The following ENOX1 variants were observed in gnomAD, a reference collection of about 807,000 sequenced individuals.
ENOX1 encodes ecto-NOX disulfide-thiol exchanger 1.
In ENOX1, 42 loss-of-function variants were observed where a neutral mutation model predicts 82.5. The ratio of observed to expected loss-of-function variants is 0.51; its 90% confidence interval spans 0.40 to 0.66. ENOX1 has a LOEUF of 0.66. ENOX1 is among the 30% of genes least tolerant of loss of function. ENOX1 has a pLI of 0.00. For missense variants in ENOX1, 608 were observed against 811.6 expected (o/e 0.75, Z 3.05); for synonymous variants, 271 against 282.2 (o/e 0.96, Z 0.40).
chr13:43,741,055 G>T (rs2089884719), intron 1 of ENOX1, among the ~76,000 whole-genome samples: 1 of 150,620 alleles, frequency 6.6e-6, no homozygotes, highest in Non-Finnish European at 1.5e-5. Flanking sequence ...TTGAAAAAGT[G>T]CCAAACTGTT....
intron 2 of ENOX1, among the ~76,000 whole-genome samples, chr13:43,538,980 T>C (rs753602416): frequency 6.6e-6 from 1 of 152,056 alleles, no homozygotes; most frequent in African/African-American, 2.4e-5. Context: ...TATGTCATCA[T>C]GCCCAGCTAA....
At chr13:43,226,126 T>A (rs138563077) in intron 15 of ENOX1, among the ~76,000 whole-genome samples, 1 of 152,200 alleles carries the variant, frequency 6.6e-6, no homozygotes, top group Admixed American at 6.5e-5. Flanking sequence ...TCCCTGTAAC[T>A]GAAATTCTCA....
chr13:43,681,791 G>A (rs78079853), intron 1 of ENOX1, among the ~76,000 whole-genome samples: 1,617 of 151,356 alleles, frequency 0.011, 46 homozygotes, highest in East Asian at 0.068. Flanking sequence ...GGCCTGTTTA[G>A]GAGAAGGAGA....
intron 2 of ENOX1, among the ~76,000 whole-genome samples, chr13:43,627,599 A>G (rs2083022060): frequency 6.6e-6 from 1 of 152,058 alleles, no homozygotes; most frequent in Admixed American, 6.6e-5. Context: ...AACCTACATC[A>G]GACAGGGTTA....
chr13:43,444,031 C>CCA (rs1193010774), intron 3 of ENOX1, among the ~76,000 whole-genome samples: 1 of 152,118 alleles, frequency 6.6e-6, no homozygotes, highest in Non-Finnish European at 1.5e-5. Flanking sequence ...ACTTTGGTAG[C>CCA]CACAGAGAAA....
chr13:43,375,636 A>T (rs1033062971), intron 5 of ENOX1, among the ~76,000 whole-genome samples: 2 of 152,126 alleles, frequency 1.3e-5, no homozygotes, highest in Non-Finnish European at 2.9e-5. Flanking sequence ...AAAAAGCCTG[A>T]CCATACTCTG....
intron 2 of ENOX1, among the ~76,000 whole-genome samples, chr13:43,549,983 G>T (rs1394802168): frequency 6.6e-6 from 1 of 152,156 alleles, no homozygotes; most frequent in African/African-American, 2.4e-5. Flanking sequence ...GCAGCAGGGG[G>T]ATGGTTTTGG....
intron 15 of ENOX1, among the ~76,000 whole-genome samples, chr13:43,228,595 C>A (rs954279214): frequency 6.6e-6 from 1 of 152,192 alleles, no homozygotes; most frequent in African/African-American, 2.4e-5. Context: ...CCCATCAAAA[C>A]CATCTAGTTT....
intron 16 of ENOX1, among the ~76,000 whole-genome samples, chr13:43,215,554 C>T (rs1037739850): frequency 6.6e-6 from 1 of 152,200 alleles, no homozygotes; most frequent in African/African-American, 2.4e-5. Context: ...TAAGATGCAT[C>T]TCCATTTTAT....
At chr13:43,754,897 T>C (rs1950563527) in intron 1 of ENOX1, among the ~76,000 whole-genome samples, 2 of 152,192 alleles carry the variant, frequency 1.3e-5, no homozygotes, top group Non-Finnish European at 2.9e-5. Flanking sequence ...AAAATCTGCA[T>C]ATTAATGTAT....
chr13:43,531,302 C>T (rs2078201781), intron 2 of ENOX1, among the ~76,000 whole-genome samples: 2 of 152,068 alleles, frequency 1.3e-5, no homozygotes, highest in Admixed American at 1.3e-4. Context: ...GACATTTATG[C>T]AGCCAAAAAC....
intron 7 of ENOX1, among the ~76,000 whole-genome samples, chr13:43,359,244 G>A (rs984324061): frequency 6.6e-6 from 1 of 152,200 alleles, no homozygotes; most frequent in Non-Finnish European, 1.5e-5. Flanking sequence ...CCTAATTCTT[G>A]GGTTTGGCAA....
chr13:43,516,727 G>A (rs1410785589), intron 2 of ENOX1, among the ~76,000 whole-genome samples: 1 of 152,122 alleles, frequency 6.6e-6, no homozygotes, highest in African/African-American at 2.4e-5. Context: ...AATCAAACAG[G>A]ATAGTTGCAA....
At chr13:43,289,167 C>T (rs975738286) in intron 12 of ENOX1, among the ~76,000 whole-genome samples, 2 of 152,156 alleles carry the variant, frequency 1.3e-5, no homozygotes, top group South Asian at 2.1e-4. Context: ...AGATTCACCA[C>T]TATTCCTATC....
At chr13:43,321,355 T>C (rs886426293) in intron 11 of ENOX1, among the ~76,000 whole-genome samples, 2 of 152,226 alleles carry the variant, frequency 1.3e-5, no homozygotes, top group African/African-American at 4.8e-5. Context: ...TGAGAACCAC[T>C]GCTTTAAAGA....
At chr13:43,424,868 G>A (rs2055196735) in intron 3 of ENOX1, among the ~76,000 whole-genome samples, 1 of 152,164 alleles carries the variant, frequency 6.6e-6, no homozygotes, top group Non-Finnish European at 1.5e-5. Context: ...GGGTAGTTAG[G>A]GGAGGGCTAT....
At chr13:43,429,557 T>C (rs1201046536) in intron 3 of ENOX1, among the ~76,000 whole-genome samples, 1 of 152,212 alleles carries the variant, frequency 6.6e-6, no homozygotes, top group Non-Finnish European at 1.5e-5. Context: ...TAAATTCCTT[T>C]GGTTCAGTAG....
At chr13:43,401,238 ACTTCTG>A (rs1445744101) in intron 5 of ENOX1, among the ~76,000 whole-genome samples, 2 of 152,156 alleles carry the variant, frequency 1.3e-5, no homozygotes, top group Non-Finnish European at 2.9e-5. Context: ...TTGTCTGTAA[ACTTCTG>A]CTTCCAGCCA....
intron 5 of ENOX1, among the ~76,000 whole-genome samples, chr13:43,362,848 C>T (rs545951838): frequency 6.5e-4 from 99 of 152,340 alleles, no homozygotes; most frequent in Admixed American, 2.5e-3. Flanking sequence ...CCCAAGAGGA[C>T]TGCTGTCCCA....
Sources: allele counts gnomAD v4.1 joint callset (sites outside exome capture counted in the v4.1 genomes callset), GRCh38; gene constraint gnomAD v4.1.1; transcripts MANE v1.5; gene names NCBI Gene and HGNC (gene_info 2026-07-23, HGNC 2026-07-21).